The following AMBRA1 variants were observed in gnomAD, a reference collection of about 807,000 sequenced individuals.
AMBRA1 encodes the protein activating molecule in BECN1-regulated autophagy protein 1.
In AMBRA1, 47 loss-of-function variants were observed where a neutral mutation model predicts 125.4. The observed-to-expected ratio is 0.37, with a 90% confidence interval of 0.30 to 0.48. AMBRA1 has a LOEUF of 0.48. Among genes scored for constraint, AMBRA1 ranks in the 20% least tolerant of loss-of-function variants. AMBRA1 has a pLI of 0.99. For missense variants in AMBRA1, 1,331 were observed against 1,693.4 expected, an observed-to-expected ratio of 0.79 and a Z score of 3.76; for synonymous variants, 626 against 655.5, an observed-to-expected ratio of 0.95 and a Z score of 0.69.
intron 14 of AMBRA1, among the ~76,000 whole-genome samples, chr11:46,432,839 A>C (rs1426472820): frequency 6.6e-6 from 1 of 152,250 alleles, no homozygotes; most frequent in African/African-American, 2.4e-5. Flanking sequence ...ACCCTGGCTA[A>C]ATGAGCACCT....
intron 7 of AMBRA1, among the ~76,000 whole-genome samples, chr11:46,519,455 G>T (rs1356547566): frequency 6.6e-6 from 1 of 152,184 alleles, no homozygotes; most frequent in Non-Finnish European, 1.5e-5. Context: ...TCTTTTAACT[G>T]GTTGTCAGAT....
In AMBRA1 at chr11:46,397,321, C is replaced by T. The variant is rs73466034; in HGVS notation, c.*129G>A. On this transcript the variant is annotated 3_prime_UTR_variant, in exon 18 of 18. Coordinates refer to ENST00000683756, the MANE Select transcript of AMBRA1 (RefSeq NM_001387011.1). ...CCCACTGACTGATCTTCCTCTCCAC[C>T]CTGACCCTCTTCCTCCTCCTGTTCC... 0.013 allele frequency: 17,516 copies of T among 1,297,548 alleles called. 1,916 individuals are homozygous for T. The African/African-American group carries it at 0.23, about 17-fold the overall frequency. 80.4% of individuals were successfully genotyped at this position (1,297,548 alleles called of 1,614,324 possible).
chr11:46,416,880 T>C (rs1252897721), intron 15 of AMBRA1, among the ~76,000 whole-genome samples: 1 of 152,138 alleles, frequency 6.6e-6, no homozygotes, highest in Non-Finnish European at 1.5e-5. Flanking sequence ...GGCTGGAAAC[T>C]GATGACAGAC....
chr11:46,508,696 T>G (rs868041119), intron 8 of AMBRA1, among the ~76,000 whole-genome samples: 78 of 152,352 alleles, frequency 5.1e-4, no homozygotes, highest in African/African-American at 1.8e-3. Flanking sequence ...CAGGGTGCTC[T>G]TTACACAGAG....
intron 12 of AMBRA1, among the ~76,000 whole-genome samples, chr11:46,441,615 C>T (rs1182421902): frequency 6.6e-6 from 1 of 152,132 alleles, no homozygotes; most frequent in Non-Finnish European, 1.5e-5. Flanking sequence ...AGAGTGGCTT[C>T]TGAAAAAACT....
At chr11:46,517,752 A>G (rs1951563538) in intron 7 of AMBRA1, among the ~76,000 whole-genome samples, 1 of 146,368 alleles carries the variant, frequency 6.8e-6, no homozygotes. Context: ...AATCGCTTGA[A>G]CCCGGGAGGC....
rs766519529 is a variant in AMBRA1 at position 46,443,519 on chromosome 11, G to T, written c.2601C>A (p.Phe867Leu). 2 of 1,614,044 alleles carry T rather than the reference G, an allele frequency of 1.2e-6. No homozygotes were observed. The highest frequency in any genetic ancestry group is 4.5e-5 in the East Asian group (2 of 44,898). ...NTTYRLQWWD[F>L]TKFDLPEISN... ...TGATTTCAGGGAGGTCAAACTTAGT[G>T]AAGTCCCACCACTGGAGCCGGTAGG... The change falls in exon 12 of 18, where the codon TTC becomes TTA. Residue 867 changes from phenylalanine to leucine, a missense_variant. Physicochemically the swap from Phe to Leu is conservative, Grantham distance 22. This residue lies in a region of AMBRA1 where 354 missense variants were observed against 532.7 expected (regional missense o/e 0.66). Coordinates refer to ENST00000683756, the MANE Select transcript of AMBRA1 (RefSeq NM_001387011.1).
rs536166811 is a variant in AMBRA1 at position 46,440,969 on chromosome 11, C to T, written c.2632+2519G>A. 1.7e-4 allele frequency among the ~76,000 whole-genome samples: 26 copies of T among 152,258 alleles called. No homozygotes were observed. The South Asian group carries it at 3.9e-3, about 23-fold the overall frequency. On this transcript the variant is annotated intron_variant, in intron 12 of 17. Coordinates refer to ENST00000683756, the MANE Select transcript of AMBRA1 (RefSeq NM_001387011.1). ...CAAGCCCAGAGTGGTAATTCATAAACCAAAATCAACACAGAGGAAGTCCAC... is the reference window on the plus strand; with the variant it reads ...CAAGCCCAGAGTGGTAATTCATAAATCAAAATCAACACAGAGGAAGTCCAC...
chr11:46,499,211 C>T (rs1486519652), intron 9 of AMBRA1, among the ~76,000 whole-genome samples: 2 of 152,164 alleles, frequency 1.3e-5, no homozygotes, highest in African/African-American at 4.8e-5. Flanking sequence ...CTACATTATG[C>T]AAATCCACAT....
intron 17 of AMBRA1, among the ~76,000 whole-genome samples, chr11:46,399,486 C>A (rs1945615729): frequency 6.6e-6 from 1 of 152,146 alleles, no homozygotes; most frequent in Non-Finnish European, 1.5e-5. Flanking sequence ...CCTGCCTCAG[C>A]CTCCTGAGTA....
In AMBRA1 at chr11:46,494,187, G is replaced by T; in HGVS notation, c.2357C>A (p.Ser786Tyr). 1 of 1,603,162 alleles carries T rather than the reference G, an allele frequency of 6.2e-7. No homozygotes were observed. The highest frequency in any genetic ancestry group is 8.5e-7 in the Non-Finnish European group (1 of 1,174,214). ...FEDFEDNGDR[S>Y]RHRAPRNARM... ...GGCATTGCGTGGAGCTCGGTGCCTG[G>T]ATCTGTCACCATTGTCCCTGAAAAA... The change falls in exon 10 of 18, where the codon TCC (serine) becomes TAC (tyrosine). Residue 786 changes from serine (S) to tyrosine (Y), a missense_variant. This residue lies in a region of AMBRA1 where 689 missense variants were observed against 776.5 expected (regional missense o/e 0.89). Coordinates refer to ENST00000683756, the MANE Select transcript of AMBRA1 (RefSeq NM_001387011.1).
intron 1 of AMBRA1, among the ~76,000 whole-genome samples, chr11:46,589,299 A>G (rs974511506): frequency 1.3e-5 from 2 of 152,220 alleles, no homozygotes; most frequent in Non-Finnish European, 2.9e-5. Context: ...GGGGAGCCTG[A>G]AAAGATAAAA....
At position 46,397,216 on chromosome 11, in the gene AMBRA1, A is replaced by G. The variant is rs1488134165; in HGVS notation, c.*234T>C. On this transcript the variant is annotated 3_prime_UTR_variant, in exon 18 of 18. Transcript: ENST00000683756. ...TTGTTCCTCTATTCACATTAAGCCC[A>G]CAGTGTGGCTCTCCCGGGCTCCAGA... 20 of 438,690 alleles carry G rather than the reference A, an allele frequency of 4.6e-5. No individual in the cohort carries two copies. The highest frequency in any genetic ancestry group is 7.2e-5 in the Non-Finnish European group (19 of 262,168). 27.2% of individuals were successfully genotyped at this position (438,690 alleles called of 1,614,324 possible).
At chr11:46,562,962 A>G (rs959379891) in intron 1 of AMBRA1, among the ~76,000 whole-genome samples, 2 of 151,790 alleles carry the variant, frequency 1.3e-5, no homozygotes, top group African/African-American at 4.8e-5. Flanking sequence ...CACCACACCT[A>G]ATTTTTTATA....
chr11:46,579,383 G>A (rs1321617663), intron 1 of AMBRA1, among the ~76,000 whole-genome samples: 1 of 152,074 alleles, frequency 6.6e-6, no homozygotes, highest in Non-Finnish European at 1.5e-5. Context: ...CTTGAACCCG[G>A]GAGGCAGAGG....
chr11:46,428,305 A>G (rs1177102353), intron 14 of AMBRA1, among the ~76,000 whole-genome samples: 3 of 152,176 alleles, frequency 2.0e-5, no homozygotes, highest in Non-Finnish European at 4.4e-5. Flanking sequence ...GTTTTACCAC[A>G]TGGCCACAAA....
chr11:46,585,571 C>A (rs1393733102), intron 1 of AMBRA1, among the ~76,000 whole-genome samples: 1 of 130,002 alleles, frequency 7.7e-6, no homozygotes, highest in Non-Finnish European at 1.6e-5. Flanking sequence ...GAGGCTGAGG[C>A]AGGAGAATCG....
intron 1 of AMBRA1, among the ~76,000 whole-genome samples, chr11:46,580,203 T>C (rs2044122650): frequency 3.3e-5 from 5 of 152,176 alleles, no homozygotes; most frequent in Admixed American, 1.3e-4. Flanking sequence ...TGTTCCTATG[T>C]TGGTTTCTCT....
chr11:46,425,761 C>T (rs957533783), intron 14 of AMBRA1, among the ~76,000 whole-genome samples: 2 of 143,502 alleles, frequency 1.4e-5, no homozygotes, highest in Non-Finnish European at 3.0e-5. Context: ...ATCACTTGAA[C>T]GCAGAAGGCA....
Sources: allele counts gnomAD v4.1 joint callset (sites outside exome capture counted in the v4.1 genomes callset), GRCh38; gene constraint gnomAD v4.1.1; regional missense constraint gnomAD v4.1.1; transcripts MANE v1.5; gene names NCBI Gene and HGNC (gene_info 2026-07-23, HGNC 2026-07-21).